PCMTD1: variants seen among roughly 807,000 people sequenced by gnomAD.
The protein encoded by PCMTD1 is protein-L-isoaspartate O-methyltransferase domain-containing protein 1.
In PCMTD1, 12 loss-of-function variants were observed where a neutral mutation model predicts 37.6. That is an observed-to-expected ratio of 0.32 (90% CI 0.20 to 0.52). The LOEUF (loss-of-function observed/expected upper bound fraction) is 0.52. Ranked by LOEUF, PCMTD1 falls within the 20% of genes least tolerant of loss-of-function variation. PCMTD1 has a pLI of 0.97. For synonymous variants in PCMTD1, 117 were observed against 135.8 expected, an observed-to-expected ratio of 0.86 and a Z score of 0.96; for missense variants, 235 against 421.3, an observed-to-expected ratio of 0.56 and a Z score of 3.87.
intron 1 of PCMTD1, among the ~76,000 whole-genome samples, chr8:51,880,352 T>C (rs77140083): frequency 0.12 from 17,882 of 152,148 alleles, 1,292 homozygotes; most frequent in East Asian, 0.17. Flanking sequence ...GCCTATAAGA[T>C]TCATAATGAT....
intron 3 of PCMTD1, among the ~76,000 whole-genome samples, chr8:51,834,916 C>A (rs1233305347): frequency 6.6e-6 from 1 of 152,114 alleles, no homozygotes; most frequent in African/African-American, 2.4e-5. Flanking sequence ...CATGCCCCCA[C>A]GCTAAGGCAG....
chr8:51,871,135 C>CA (rs1563356117), intron 1 of PCMTD1, among the ~76,000 whole-genome samples: 4 of 151,888 alleles, frequency 2.6e-5, no homozygotes, highest in Non-Finnish European at 4.4e-5. Context: ...AAAGGGGAAA[C>CA]AAAAAAACAC....
chr8:51,831,011 T>A (rs1363947565), intron 5 of PCMTD1, among the ~76,000 whole-genome samples: 2 of 137,756 alleles, frequency 1.5e-5, no homozygotes, highest in Non-Finnish European at 1.6e-5. Flanking sequence ...AAAAAAAAAA[T>A]TGAGGCCCAG....
upstream of PCMTD1, chr8:51,899,070 G>A (rs2039058151): frequency 6.7e-7 from 1 of 1,500,558 alleles, no homozygotes; most frequent in African/African-American, 1.4e-5. Flanking sequence ...GACTGGAGCA[G>A]CCAGAGCCTC....
At chr8:51,822,469 G>A (rs2037862710) in intron 5 of PCMTD1, among the ~76,000 whole-genome samples, 1 of 152,190 alleles carries the variant, frequency 6.6e-6, no homozygotes, top group Non-Finnish European at 1.5e-5. Flanking sequence ...AGAACAGGTT[G>A]AGAAGAAAAT....
At chr8:51,860,221 G>A (rs1311746494) in intron 2 of PCMTD1, among the ~76,000 whole-genome samples, 7 of 152,194 alleles carry the variant, frequency 4.6e-5, no homozygotes. Flanking sequence ...TAGGAACACT[G>A]AATGAGTTAA....
At chr8:51,863,923 T>TG (rs1287799088) in intron 1 of PCMTD1, among the ~76,000 whole-genome samples, 8 of 89,642 alleles carry the variant, frequency 8.9e-5, no homozygotes, top group African/African-American at 2.4e-4. Context: ...AGATTCCCTC[T>TG]CAAAAAAAAA....
chr8:51,820,594 T>G lies in PCMTD1; in HGVS notation c.831A>C (p.Lys277Asn). Residue 277 changes from lysine (K) to asparagine (N), a missense_variant, in exon 6 of 6, where the codon AAA becomes AAC. Transcript: ENST00000522514. The stretch of plus-strand genomic sequence containing the variant: ...TAATTCTCTGTTTAACTCTCTTTCT[T>G]TTCCTTTTGGGTGGAGCCCTTTGAG... ...GIPQRAPPKRKRKRVKQRINT... is the reference protein window; with the variant it reads ...GIPQRAPPKRNRKRVKQRINT... The G allele has an allele frequency of 1.9e-6, 3 of 1,611,672 alleles. No individual in the cohort carries two copies. The highest frequency in any genetic ancestry group is 2.5e-6 in the Non-Finnish European group (3 of 1,179,438).
chr8:51,846,387 T>C (rs573777232), intron 2 of PCMTD1, among the ~76,000 whole-genome samples: 106 of 152,130 alleles, frequency 7.0e-4, no homozygotes, highest in Non-Finnish European at 1.4e-3. Context: ...GGGGAATGAA[T>C]AGAGGAGAGT....
At chr8:51,820,956 T>G (rs2037839246) in intron 5 of PCMTD1, among the ~76,000 whole-genome samples, 1 of 152,184 alleles carries the variant, frequency 6.6e-6, no homozygotes, top group Non-Finnish European at 1.5e-5. Flanking sequence ...GTGTTGGCAT[T>G]TACATGCATA....
intron 1 of PCMTD1, among the ~76,000 whole-genome samples, chr8:51,868,632 T>C (rs2038594108): frequency 6.6e-6 from 1 of 151,988 alleles, no homozygotes; most frequent in Non-Finnish European, 1.5e-5. Flanking sequence ...GGAATAAAAA[T>C]ACATTTAATA....
intron 1 of PCMTD1, among the ~76,000 whole-genome samples, chr8:51,867,274 A>G (rs960527530): frequency 6.6e-6 from 1 of 152,082 alleles, no homozygotes; most frequent in Non-Finnish European, 1.5e-5. Context: ...TATGAAAAAC[A>G]GTATGGCTAA....
At position 51,866,619 on chromosome 8, in the gene PCMTD1, A is replaced by G. The variant is rs541298928; in HGVS notation, c.-95-5373T>C. Among the ~76,000 whole-genome samples, 16 of 152,170 alleles carry G rather than the reference A, an allele frequency of 1.1e-4. No individual in the cohort carries two copies. In the South Asian group the frequency reaches 2.1e-3, roughly 20 times the overall value. ...GAATCCTTATCTCACAACATATACA[A>G]AAATCAACTCAAAACAGATTAAAGA... is the stretch of plus-strand genomic sequence containing the variant. On this transcript the variant is annotated intron_variant, in intron 1 of 5. Coordinates refer to ENST00000522514, the MANE Select transcript of PCMTD1 (RefSeq NM_052937.4).
chr8:51,858,511 G>A (rs1179419849), intron 2 of PCMTD1, among the ~76,000 whole-genome samples: 2 of 152,196 alleles, frequency 1.3e-5, no homozygotes, highest in Admixed American at 6.5e-5. Flanking sequence ...CCAGTTCTAA[G>A]TGATTTTTAT....
upstream of PCMTD1, chr8:51,899,184 T>TCTGGCCCCGCCCCCTCAGGG: frequency 1.6e-6 from 2 of 1,263,674 alleles, no homozygotes; most frequent in Non-Finnish European, 2.0e-6. Flanking sequence ...GACGCCCCCA[T>TCTGGCCCCGCCCCCTCAGGG]CTGGCCCCGC....
intron 3 of PCMTD1, among the ~76,000 whole-genome samples, chr8:51,837,305 T>C (rs16916875): frequency 0.025 from 3,780 of 152,230 alleles, 163 homozygotes; most frequent in African/African-American, 0.086. Context: ...CATGTTTAAA[T>C]TGATTTCCTT....
At chr8:51,889,360 T>C (rs1414650852) in intron 1 of PCMTD1, among the ~76,000 whole-genome samples, 3 of 152,232 alleles carry the variant, frequency 2.0e-5, no homozygotes, top group Admixed American at 1.3e-4. Context: ...GTTTTAAGTA[T>C]ATTAACTCAT....
chr8:51,886,728 C>T (rs904744471), intron 1 of PCMTD1, among the ~76,000 whole-genome samples: 6 of 152,168 alleles, frequency 3.9e-5, no homozygotes, highest in Non-Finnish European at 7.3e-5. Context: ...CAAATGGCCA[C>T]AGTATATTTA....
intron 1 of PCMTD1, among the ~76,000 whole-genome samples, chr8:51,871,110 A>G (rs1367994984): frequency 6.6e-6 from 1 of 152,210 alleles, no homozygotes; most frequent in African/African-American, 2.4e-5. Context: ...TTCATTTTTA[A>G]GCACAGAAGA....
Sources: allele counts gnomAD v4.1 joint callset (sites outside exome capture counted in the v4.1 genomes callset), GRCh38; gene constraint gnomAD v4.1.1; transcripts MANE v1.5; gene names NCBI Gene and HGNC (gene_info 2026-07-23, HGNC 2026-07-21).